MCIDAS: variants seen among roughly 807,000 people sequenced by gnomAD.
MCIDAS encodes the protein multiciliate differentiation and DNA synthesis associated cell cycle protein, also known as multicilin.
A neutral mutation model predicts 35.4 loss-of-function variants in MCIDAS; 23 were observed. The observed-to-expected ratio is 0.65, with a 90% CI of 0.47 to 0.92. The LOEUF is 0.92. MCIDAS is among the 40% of genes least tolerant of loss of function. MCIDAS has a pLI of 0.00. For missense variants in MCIDAS, 480 were observed against 531.8 expected, an observed-to-expected ratio of 0.90 and a Z score of 0.96; for synonymous variants, 228 against 235.2, an observed-to-expected ratio of 0.97 and a Z score of 0.28.
chr5:55,226,503 G>A, intron 3 of MCIDAS, 73 bp downstream of exon 3: 1 of 1,424,008 alleles, frequency 7.0e-7, no homozygotes, highest in South Asian at 1.3e-5. Context: ...AGCTTTTGGG[G>A]AATTAAAACC....
At chr5:55,225,909 C>T (rs1745446663) in intron 3 of MCIDAS, among the ~76,000 whole-genome samples, 1 of 152,158 alleles carries the variant, frequency 6.6e-6, no homozygotes, top group Admixed American at 6.5e-5. Flanking sequence ...AGCAAGAAGA[C>T]AGGTTTTGGG....
In MCIDAS at chr5:55,223,368, G is replaced by A. The variant is rs1745397687; in HGVS notation, c.310-345C>T. The stretch of plus-strand genomic sequence containing the variant: ...GGACGCACGGAGCACGACACTGACT[G>A]GGGGAAGGGGGCAGCAGTTCGCGGC... On this transcript the variant is annotated intron_variant, in intron 3 of 6. Coordinates refer to ENST00000513312, the MANE Select transcript of MCIDAS (RefSeq NM_001190787.3). This position sits in a 1 kb window ranked among gnomAD's most constrained non-coding sequence, Gnocchi z 4.4. Among the ~76,000 whole-genome samples, 1 of 152,190 alleles carries A rather than the reference G, an allele frequency of 6.6e-6. No individual in the cohort carries two copies.
At chr5:55,220,971 C>T (rs1745345918) in intron 6 of MCIDAS, 45 bp downstream of exon 6, 1 of 1,503,634 alleles carries the variant, frequency 6.7e-7, no homozygotes, top group Non-Finnish European at 8.9e-7. Flanking sequence ...CTGAACTGTT[C>T]AGTTCCGACG....
At chr5:55,222,802 T>C in intron 4 of MCIDAS, 149 bp downstream of exon 4, 1 of 694,802 alleles carries the variant, frequency 1.4e-6, no homozygotes, top group East Asian at 2.7e-5. Flanking sequence ...GTCCTAAATA[T>C]GGAAAAGGCT....
Position 55,222,938 on chromosome 5 carries a change from A to T in MCIDAS, c.382+13T>A. On this transcript the variant is annotated intron_variant, in intron 4 of 6. Transcript: ENST00000513312. The stretch of plus-strand genomic sequence containing the variant: ...CCCCCGCTGTTATTTAACTGCCAGG[A>T]GACTGCACTTGCCTGAAATGAGATC... 6.5e-7 allele frequency: 1 copy of T among 1,535,404 alleles called. No homozygotes were observed. The highest frequency in any genetic ancestry group is 8.7e-7 in the Non-Finnish European group (1 of 1,146,284).
chr5:55,226,461 GC>G (rs1745455316), intron 3 of MCIDAS, 114 bp downstream of exon 3: 7 of 1,013,220 alleles, frequency 6.9e-6, no homozygotes, highest in African/African-American at 1.7e-5. Flanking sequence ...CCCCTCACCA[GC>G]TGAGTGTGCC....
rs1196765443 is a variant in MCIDAS at position 55,226,188 on chromosome 5, AG to A, written c.309+387del. On this transcript the variant is annotated intron_variant, in intron 3 of 6. Coordinates refer to ENST00000513312, the MANE Select transcript of MCIDAS (RefSeq NM_001190787.3). ...ACCCACGGAATGAAAATGGCCAGGA[AG>A]GGGGTGTTGGGAGAACTGATAGGAA... Among the ~76,000 whole-genome samples, 12 of 152,230 alleles carry A rather than the reference AG, an allele frequency of 7.9e-5. No individual in the cohort carries two copies. In the East Asian group the frequency reaches 2.3e-3, roughly 30 times the overall value.
At chr5:55,224,023 G>A (rs1186619970) in intron 3 of MCIDAS, among the ~76,000 whole-genome samples, 2 of 152,082 alleles carry the variant, frequency 1.3e-5, no homozygotes, top group East Asian at 3.9e-4. Context: ...CAGTCTCTCA[G>A]TTCATCCTCA....
rs1478960572 is a variant in MCIDAS, at chr5:55,227,018, C to G, written c.120+1G>C. ...CGCCCGGCCCGAATCAACCGCCCCACCTTCCTCTCCGGCTTCCCCGGCTTG... is the reference window on the plus strand; with the variant it reads ...CGCCCGGCCCGAATCAACCGCCCCAGCTTCCTCTCCGGCTTCCCCGGCTTG... On this transcript the variant is annotated splice_donor_variant, in intron 1 of 6. Transcript: ENST00000513312. LOFTEE classifies it high-confidence loss of function. 6.6e-7 allele frequency: 1 copy of G among 1,520,310 alleles called. No individual in the cohort carries two copies. The highest frequency in any genetic ancestry group is 1.4e-5 in the African/African-American group (1 of 70,424). 94.2% of individuals were successfully genotyped at this position (1,520,310 alleles called of 1,614,324 possible).
rs1291904548 is a variant in MCIDAS, at chr5:55,226,828, G to T, written c.217+7C>A. The T allele has an allele frequency of 2.1e-5, 29 of 1,391,538 alleles. No homozygotes were observed. The highest frequency in any genetic ancestry group is 2.5e-5 in the Non-Finnish European group (27 of 1,079,494). 86.2% of individuals were successfully genotyped at this position (1,391,538 alleles called of 1,614,324 possible). ...CCGAGGGGTAGCGTGGGTGCCACGG[G>T]GCTCACCTGGCAGCGCTGTGGGCTC... On this transcript the variant is annotated splice_region_variant and intron_variant, in intron 2 of 6. Transcript: ENST00000513312.
chr5:55,225,129 G>T (rs1364702416), intron 3 of MCIDAS, among the ~76,000 whole-genome samples: 6 of 152,148 alleles, frequency 3.9e-5, no homozygotes, highest in Admixed American at 3.9e-4. Context: ...GATCGCCTGA[G>T]CCTGGGAGGT....
At position 55,223,766 on chromosome 5, in the gene MCIDAS, C is replaced by A. The variant is rs1204291760; in HGVS notation, c.310-743G>T. ...TGTGATTCGAGGGGCCAGGAGAATA[C>A]GGGAAAAGCTTCTGTTCTGCGCACA... On this transcript the variant is annotated intron_variant, in intron 3 of 6. Transcript: ENST00000513312. The surrounding 1 kb of genome is among the most constrained non-coding windows in gnomAD (Gnocchi z 4.4). Among the ~76,000 whole-genome samples, 1 of 152,198 alleles carries A rather than the reference C, an allele frequency of 6.6e-6. No individual in the cohort carries two copies. The highest frequency in any genetic ancestry group is 1.5e-5 in the Non-Finnish European group (1 of 68,038).
chr5:55,223,535 C>A lies in MCIDAS; in HGVS notation c.310-512G>T, dbSNP rs1302193188. 6.6e-6 allele frequency among the ~76,000 whole-genome samples: 1 copy of A among 152,216 alleles called. No individual in the cohort carries two copies. Among genetic ancestry groups the A allele is most frequent in the Non-Finnish European group, 1.5e-5 (1 of 68,028 alleles). On this transcript the variant is annotated intron_variant, in intron 3 of 6. Coordinates refer to ENST00000513312, the MANE Select transcript of MCIDAS (RefSeq NM_001190787.3). This position sits in a 1 kb window ranked among gnomAD's most constrained non-coding sequence, Gnocchi z 4.4. ...CTGTGAAGCTCGGCGGTTCCCTGTGCGCCTGCGAAATTTTGACTCCGACTC... is the reference window on the plus strand; with the variant it reads ...CTGTGAAGCTCGGCGGTTCCCTGTGAGCCTGCGAAATTTTGACTCCGACTC...
At chr5:55,222,424 T>A (rs1745378365) in intron 4 of MCIDAS, 25 bp from the exon 5 acceptor site, 1 of 1,454,200 alleles carries the variant, frequency 6.9e-7, no homozygotes, top group African/African-American at 1.4e-5. Context: ...GAGCTGGATT[T>A]GCAGCCTCAA....
At chr5:55,225,851 C>A (rs547843255) in intron 3 of MCIDAS, among the ~76,000 whole-genome samples, 1 of 152,326 alleles carries the variant, frequency 6.6e-6, no homozygotes, top group Admixed American at 6.5e-5. Flanking sequence ...AGACTCCCTT[C>A]TCTGCCTGGG....
At chr5:55,226,971 G>A in intron 1 of MCIDAS, 40 bp from the exon 2 acceptor site, 2 of 1,502,344 alleles carry the variant, frequency 1.3e-6, no homozygotes, top group Admixed American at 2.2e-5. Context: ...GTCAGCCCTC[G>A]GGGCACCGAG....
Position 55,226,603 on chromosome 5 carries a change from C to T in MCIDAS, c.282G>A (p.Pro94=). 1.1e-5 allele frequency: 17 copies of T among 1,531,920 alleles called. No homozygotes were observed. The highest frequency in any genetic ancestry group is 1.5e-5 in the Non-Finnish European group (17 of 1,145,126). The allele number at this position is 1,531,920 out of a possible 1,614,324, so 94.9% of individuals were successfully genotyped here. Residue 94 remains proline, a synonymous_variant, in exon 3 of 7, where the codon CCG becomes CCA. Transcript: ENST00000513312. ...DCSSLLGSDA[P]PGGDLAASQN... ...GCGAGGCGGCCAGGTCACCACCAGG[C>T]GGCGCGTCGGACCCGAGTAGCGAAG...
chr5:55,223,688 A>T lies in MCIDAS; in HGVS notation c.310-665T>A, dbSNP rs1014409664. Among the ~76,000 whole-genome samples, 3 of 152,168 alleles carry T rather than the reference A, an allele frequency of 2.0e-5. No individual in the cohort carries two copies. The highest frequency in any genetic ancestry group is 4.4e-5 in the Non-Finnish European group (3 of 68,020). On this transcript the variant is annotated intron_variant, in intron 3 of 6. Coordinates refer to ENST00000513312, the MANE Select transcript of MCIDAS (RefSeq NM_001190787.3). The surrounding 1 kb of genome is among the most constrained non-coding windows in gnomAD (Gnocchi z 4.4). ...GTAATTTGAGGCCGCGTTTCCCGCC[A>T]AGGTTTGGCCCCAGCTAACCGCCCC...
rs142299495 is a variant in MCIDAS, at chr5:55,223,857, C to A, written c.310-834G>T. Among the ~76,000 whole-genome samples the A allele has an allele frequency of 5.9e-5, 9 of 152,274 alleles. No individual in the cohort carries two copies. Among genetic ancestry groups the A allele is most frequent in the African/African-American group, 2.2e-4 (9 of 41,560 alleles). Reference sequence around the variant, plus strand: ...TTGGGAGTACTCTTTTCTCGTACAGCCGGTGCACCTCCAACATTATGAACT... The same window carrying A: ...TTGGGAGTACTCTTTTCTCGTACAGACGGTGCACCTCCAACATTATGAACT... On this transcript the variant is annotated intron_variant, in intron 3 of 6. Coordinates refer to ENST00000513312, the MANE Select transcript of MCIDAS (RefSeq NM_001190787.3). The surrounding 1 kb of genome is among the most constrained non-coding windows in gnomAD (Gnocchi z 4.4).
Sources: allele counts gnomAD v4.1 joint callset (sites outside exome capture counted in the v4.1 genomes callset), GRCh38; gene constraint gnomAD v4.1.1; non-coding constraint Gnocchi (gnomAD v3.1); transcripts MANE v1.5; gene names NCBI Gene and HGNC (gene_info 2026-07-23, HGNC 2026-07-21).